USP24: variants seen among roughly 807,000 people sequenced by gnomAD.
USP24 encodes the protein ubiquitin specific peptidase 24.
Under a neutral mutation model 361.6 loss-of-function variants are expected in USP24, and 97 were observed. The ratio of observed to expected loss-of-function variants is 0.27; its 90% CI spans 0.23 to 0.32. The LOEUF is 0.32. Ranked by LOEUF, USP24 falls within the 10% of genes least tolerant of loss-of-function variation. The pLI is 1.00. For synonymous variants in USP24, 1,098 were observed against 1,124.6 expected (o/e 0.98, Z 0.47); for missense variants, 2,353 against 3,165.6 (o/e 0.74, Z 6.16).
At chr1:55,099,606 T>C (rs1371531566) in intron 45 of USP24, among the ~76,000 whole-genome samples, 165 bp downstream of exon 45, 1 of 152,176 alleles carries the variant, frequency 6.6e-6, no homozygotes, top group East Asian at 1.9e-4. Context: ...TCTATTGATC[T>C]GTGTTATGTT....
At chr1:55,137,031 G>A (rs1480903511) in intron 28 of USP24, among the ~76,000 whole-genome samples, 2 of 152,058 alleles carry the variant, frequency 1.3e-5, no homozygotes, top group African/African-American at 4.8e-5. Context: ...GGGAGATGAA[G>A]AGAAATTGGC....
intron 1 of USP24, among the ~76,000 whole-genome samples, chr1:55,190,283 C>T (rs145982741): frequency 2.2e-4 from 33 of 152,048 alleles, no homozygotes; most frequent in Middle Eastern, 6.8e-3. Flanking sequence ...GAAGCAACAG[C>T]GCGTTATACA....
intron 45 of USP24, among the ~76,000 whole-genome samples, chr1:55,099,136 A>G: frequency 6.6e-6 from 1 of 152,222 alleles, no homozygotes; most frequent in Non-Finnish European, 1.5e-5. Flanking sequence ...CAGTGACTGC[A>G]GCACTCTTCT....
intron 65 of USP24, 146 bp downstream of exon 65, chr1:55,072,640 C>A (rs1479419790): frequency 1.1e-6 from 1 of 879,088 alleles, no homozygotes; most frequent in African/African-American, 1.7e-5. Context: ...TTAATGCACA[C>A]AAGATATAAA....
chr1:55,153,903 T>C lies in USP24; in HGVS notation c.1827A>G (p.Ser609=). 1 of 1,551,174 alleles carries C rather than the reference T, an allele frequency of 6.4e-7. No individual in the cohort carries two copies. The highest frequency in any genetic ancestry group is 8.7e-7 in the Non-Finnish European group (1 of 1,146,704). ...CATCCTTCTTGTTTTTTTCCAAACCTGACCATTCTCCAGGCTGAAAATTCA... is the reference window on the plus strand; with the variant it reads ...CATCCTTCTTGTTTTTTTCCAAACCCGACCATTCTCCAGGCTGAAAATTCA... The part of the protein sequence containing the change: ...IEDIKRPGEW[S]GLEKNKKDGF... Residue 609 remains serine, a synonymous_variant, in exon 16 of 68, where the codon TCA becomes TCG. Transcript: ENST00000294383.
chr1:55,190,156 C>T (rs1277928257), intron 1 of USP24, among the ~76,000 whole-genome samples: 1 of 105,556 alleles, frequency 9.5e-6, no homozygotes, highest in Non-Finnish European at 1.8e-5. Flanking sequence ...CAGACCAAGA[C>T]TCCATCTCAA....
intron 16 of USP24, among the ~76,000 whole-genome samples, chr1:55,152,386 G>C (rs551584101): frequency 6.6e-6 from 1 of 152,298 alleles, no homozygotes; most frequent in East Asian, 1.9e-4. Flanking sequence ...ATGTTTAGCT[G>C]TAACAAGGAA....
intron 42 of USP24, 88 bp downstream of exon 42, chr1:55,103,788 G>C: frequency 7.1e-7 from 1 of 1,410,278 alleles, no homozygotes; most frequent in Non-Finnish European, 9.5e-7. Flanking sequence ...TTTCTTTGTG[G>C]TCAGCAGAAT....
chr1:55,214,562 T>C (rs1438752491), intron 1 of USP24, among the ~76,000 whole-genome samples: 2 of 151,806 alleles, frequency 1.3e-5, no homozygotes, highest in African/African-American at 4.8e-5. Context: ...GCATCCCTAA[T>C]TCCCTTTCAC....
Position 55,092,042 on chromosome 1 carries a change from G to A in USP24, c.6535C>T (p.Arg2179Trp). ...TCTCACCTGAGTTTCTTCTTTGTCC[G>A]TAGATAAGTTTGAAAAAGGAATTGA... The part of the protein sequence containing the change: ...AIQFLFQTYL[R>W]TKKKLRVDTE... The change falls in exon 54 of 68, where the codon CGG (arginine) becomes TGG (tryptophan). Residue 2179 changes from arginine (R) to tryptophan (W), a missense_variant. Arg to Trp is a moderately radical substitution (Grantham distance 101). Around this residue, in one of 8 missense-constraint regions of USP24, gnomAD observed 598 missense variants for 761.9 expected, o/e 0.78. Transcript: ENST00000294383. 6.2e-7 allele frequency: 1 copy of A among 1,610,314 alleles called. No individual in the cohort carries two copies.
intron 32 of USP24, among the ~76,000 whole-genome samples, chr1:55,129,045 C>T (rs1646518882): frequency 6.6e-6 from 1 of 152,038 alleles, no homozygotes. Flanking sequence ...AATATAGTTA[C>T]CTAGCTGTTT....
chr1:55,135,787 A>G (rs111238691), intron 28 of USP24, among the ~76,000 whole-genome samples: 2,572 of 152,326 alleles, frequency 0.017, 46 homozygotes, highest in African/African-American at 0.04. Flanking sequence ...AAAAAACCCT[A>G]TATGTCTTTT....
At chr1:55,093,393 CCT>C (rs1488235898) in intron 52 of USP24, among the ~76,000 whole-genome samples, 1 of 152,208 alleles carries the variant, frequency 6.6e-6, no homozygotes, top group Non-Finnish European at 1.5e-5. Context: ...GAATTTAGAT[CCT>C]TGTCCTGTGA....
intron 32 of USP24, 58 bp downstream of exon 32, chr1:55,129,419 A>T: frequency 7.0e-7 from 1 of 1,437,678 alleles, no homozygotes; most frequent in Non-Finnish European, 9.7e-7. Flanking sequence ...GGGGAAATTA[A>T]CTAAAATAAC....
At position 55,123,496 on chromosome 1, in the gene USP24, C is replaced by T; in HGVS notation, c.4227G>A (p.Glu1409=). The change falls in exon 36 of 68, where the codon GAG becomes GAA. Residue 1409 remains glutamate, a synonymous_variant. Coordinates refer to ENST00000294383, the MANE Select transcript of USP24 (RefSeq NM_015306.3). ...GGCACGTAACAAGAAGAGACAAAGCCTCTCCCGCAATCAGCGAGTCTTTGG... is the reference window on the plus strand; with the variant it reads ...GGCACGTAACAAGAAGAGACAAAGCTTCTCCCGCAATCAGCGAGTCTTTGG... ...VSTKDSLIAG[E]ALSLLVTCLQ... The T allele has an allele frequency of 1.2e-6, 2 of 1,604,850 alleles. No homozygotes were observed. Among genetic ancestry groups the T allele is most frequent in the South Asian group, 2.3e-5 (2 of 88,688 alleles).
At chr1:55,204,146 G>T (rs369568579) in intron 1 of USP24, among the ~76,000 whole-genome samples, 103 of 152,190 alleles carry the variant, frequency 6.8e-4, no homozygotes, top group African/African-American at 2.3e-3. Context: ...ATTGATGCTG[G>T]ACAGGTTTTT....
intron 23 of USP24, among the ~76,000 whole-genome samples, chr1:55,142,160 T>C (rs1646908270): frequency 6.6e-6 from 1 of 152,198 alleles, no homozygotes; most frequent in South Asian, 2.1e-4. Context: ...TTTATGCTTT[T>C]GGAACATTTT....
chr1:55,153,062 C>G, intron 16 of USP24, among the ~76,000 whole-genome samples: 1 of 152,160 alleles, frequency 6.6e-6, no homozygotes, highest in Non-Finnish European at 1.5e-5. Context: ...AAAGCGGAAG[C>G]CTTTCCAGTG....
At position 55,183,307 on chromosome 1, in the gene USP24, C is replaced by G. The variant is rs368492487; in HGVS notation, c.325-5175G>C. On this transcript the variant is annotated intron_variant, in intron 1 of 67. Coordinates refer to ENST00000294383, the MANE Select transcript of USP24 (RefSeq NM_015306.3). ...ATGGTGTCTGTAATTCATTCTCAAA[C>G]AGTTCAGGAACAACAAAATACATAC... 1.5e-4 allele frequency among the ~76,000 whole-genome samples: 23 copies of G among 152,278 alleles called. No individual in the cohort carries two copies. The East Asian group carries it at 3.3e-3, about 22-fold the overall frequency.
Sources: allele counts gnomAD v4.1 joint callset (sites outside exome capture counted in the v4.1 genomes callset), GRCh38; gene constraint gnomAD v4.1.1; regional missense constraint gnomAD v4.1.1; transcripts MANE v1.5; gene names NCBI Gene and HGNC (gene_info 2026-07-23, HGNC 2026-07-21).